Variants in PVT1 observed in about 807,000 individuals in gnomAD.
PVT1 encodes CXCR4/PVT1 fusion.
intron 2 of PVT1, among the ~76,000 whole-genome samples, chr8:127,799,342 T>C (rs1487166773): frequency 6.6e-6 from 1 of 152,138 alleles, no homozygotes; most frequent in Admixed American, 6.6e-5. Flanking sequence ...GAGGATTGCT[T>C]GAGCTGAGAA....
intron 2 of PVT1, among the ~76,000 whole-genome samples, chr8:127,798,377 A>G (rs746758335): frequency 2.0e-5 from 3 of 151,744 alleles, no homozygotes; most frequent in Non-Finnish European, 1.5e-5. Flanking sequence ...CCCCACCCTC[A>G]CCGTGCACCT....
At chr8:127,963,171 C>G (rs892138339) in intron 3 of PVT1, among the ~76,000 whole-genome samples, 1 of 152,222 alleles carries the variant, frequency 6.6e-6, no homozygotes, top group Non-Finnish European at 1.5e-5. Context: ...TTCCACCCCT[C>G]GCACGGCAGC....
intron 3 of PVT1, among the ~76,000 whole-genome samples, chr8:127,912,790 G>A (rs958086272): frequency 1.1e-4 from 16 of 151,730 alleles, no homozygotes; most frequent in Admixed American, 7.9e-4. Flanking sequence ...TCCACCTCCC[G>A]GGTTCAAGCA....
Position 127,894,153 on chromosome 8 carries a change from G to A in PVT1, n.782+3155G>A, listed in dbSNP as rs149693757. Among the ~76,000 whole-genome samples, 53 of 152,262 alleles carry A rather than the reference G, an allele frequency of 3.5e-4. No individual in the cohort carries two copies. In the East Asian group the frequency reaches 9.1e-3, roughly 26 times the overall value. ...TTGACAGCACACTCTCTAGTCGTAC[G>A]GGCTGCCCTGCCACCTACACTGACA... is the stretch of plus-strand genomic sequence containing the variant. On this transcript the variant is annotated intron_variant and non_coding_transcript_variant, in intron 3 of 10. Coordinates refer to ENST00000651587, the Ensembl canonical transcript of PVT1.
intron 4 of PVT1, among the ~76,000 whole-genome samples, chr8:128,031,012 G>A (rs1356587762): frequency 6.6e-6 from 1 of 152,216 alleles, no homozygotes; most frequent in East Asian, 1.9e-4. Context: ...TCACACCAAA[G>A]TTCTCCCAAC....
chr8:127,840,444 G>A (rs1814960987), intron 2 of PVT1, among the ~76,000 whole-genome samples: 1 of 152,254 alleles, frequency 6.6e-6, no homozygotes, highest in South Asian at 2.1e-4. Flanking sequence ...TTGATAATCA[G>A]AGCCCATTGT....
intron 4 of PVT1, among the ~76,000 whole-genome samples, chr8:128,038,462 A>G (rs540871351): frequency 1.2e-3 from 183 of 152,316 alleles, no homozygotes; most frequent in African/African-American, 4.3e-3. Context: ...AGGCTAAGAA[A>G]GAAAGAATGT....
At chr8:127,853,230 T>C (rs1374626079) in intron 2 of PVT1, among the ~76,000 whole-genome samples, 1 of 152,048 alleles carries the variant, frequency 6.6e-6, no homozygotes, top group Non-Finnish European at 1.5e-5. Flanking sequence ...GGAAAGTGAC[T>C]CCTGCAACTC....
At chr8:127,807,274 C>G (rs1350312485) in intron 2 of PVT1, among the ~76,000 whole-genome samples, 1 of 152,148 alleles carries the variant, frequency 6.6e-6, no homozygotes, top group African/African-American at 2.4e-5. Context: ...GGGGAGTGGG[C>G]TGATTGTGAA....
chr8:127,808,994 T>C (rs1288179421), intron 2 of PVT1, among the ~76,000 whole-genome samples: 2 of 129,216 alleles, frequency 1.5e-5, no homozygotes, highest in Admixed American at 1.9e-4. Flanking sequence ...TGAGCCATTG[T>C]ATTCCAGCCT....
chr8:128,015,054 GATTTATTTATTTATTTATTT>G (rs59316636), intron 4 of PVT1, among the ~76,000 whole-genome samples: 38 of 146,084 alleles, frequency 2.6e-4, no homozygotes, highest in African/African-American at 9.0e-4. Flanking sequence ...AAGAGAAATA[GATTTATTTATTTATTTATTT>G]ATTTATTTAT....
intron 5 of PVT1, among the ~76,000 whole-genome samples, chr8:128,085,781 GTA>G (rs2130159510): frequency 6.6e-6 from 1 of 152,310 alleles, no homozygotes; most frequent in East Asian, 1.9e-4. Context: ...TTGAAAAGAT[GTA>G]TGTCTTAGCA....
chr8:128,056,131 C>G (rs1301989094), intron 4 of PVT1, among the ~76,000 whole-genome samples: 2 of 152,200 alleles, frequency 1.3e-5, no homozygotes, highest in Non-Finnish European at 2.9e-5. Flanking sequence ...CCAGTCTGCC[C>G]TTTTCAAATC....
chr8:128,050,305 A>G (rs1346920740), intron 4 of PVT1, among the ~76,000 whole-genome samples: 2 of 152,144 alleles, frequency 1.3e-5, no homozygotes, highest in African/African-American at 4.8e-5. Flanking sequence ...TCCAGTGGCC[A>G]AGTCCAAATT....
At chr8:127,812,351 G>A (rs1814607700) in intron 2 of PVT1, among the ~76,000 whole-genome samples, 2 of 151,808 alleles carry the variant, frequency 1.3e-5, no homozygotes, top group African/African-American at 2.4e-5. Flanking sequence ...TTGGGAGGCT[G>A]AGATGGGAGG....
At chr8:127,896,516 A>C (rs1043451241) in intron 3 of PVT1, among the ~76,000 whole-genome samples, 7 of 152,070 alleles carry the variant, frequency 4.6e-5, no homozygotes, top group Non-Finnish European at 8.8e-5. Flanking sequence ...ACAAAACTAA[A>C]TCTGTTTTGA....
intron 3 of PVT1, chr8:127,932,435 A>T: frequency 2.5e-6 from 1 of 398,670 alleles, no homozygotes; most frequent in Non-Finnish European, 4.4e-6. Context: ...AACTATTGTC[A>T]CATGAGTTTT....
At chr8:128,079,130 G>A (rs564844211) in intron 5 of PVT1, among the ~76,000 whole-genome samples, 2 of 147,646 alleles carry the variant, frequency 1.4e-5, no homozygotes, top group Admixed American at 1.4e-4. Flanking sequence ...TTTGAAATTT[G>A]CTTTTATCCA....
At chr8:127,928,334 C>CA (rs1816157858) in intron 3 of PVT1, among the ~76,000 whole-genome samples, 2 of 152,112 alleles carry the variant, frequency 1.3e-5, no homozygotes, top group South Asian at 2.1e-4. Flanking sequence ...CTCTGACCCC[C>CA]ACCCTGCTTC....
Sources: gnomAD v4.1 joint callset for allele counts (sites outside exome capture counted in the v4.1 genomes callset) on GRCh38, gnomAD v4.1.1 for gene constraint, MANE v1.5 for transcripts, NCBI Gene and HGNC (gene_info 2026-07-23, HGNC 2026-07-21) for gene names.